Variants in TAFA1 observed in about 807,000 individuals in gnomAD.
TAFA1 encodes the protein chemokine-like protein TAFA-1.
Under a neutral mutation model 18.5 loss-of-function variants are expected in TAFA1, and 4 were observed. The ratio of observed to expected loss-of-function variants is 0.22; its 90% confidence interval spans 0.11 to 0.49. TAFA1 has a LOEUF of 0.49. TAFA1 is among the 20% of genes least tolerant of loss of function. The pLI is 0.98. For missense variants in TAFA1, 147 were observed against 169.0 expected, an observed-to-expected ratio of 0.87 and a Z score of 0.72; for synonymous variants, 56 against 55.2, an observed-to-expected ratio of 1.01 and a Z score of -0.06.
chr3:68,289,314 G>A (rs1215122085), intron 2 of TAFA1, among the ~76,000 whole-genome samples: 1 of 152,128 alleles, frequency 6.6e-6, no homozygotes, highest in Admixed American at 6.5e-5. Flanking sequence ...CCATTTTAAT[G>A]TGGTCCAACT....
chr3:68,101,763 T>C (rs1177958093), intron 2 of TAFA1, among the ~76,000 whole-genome samples: 1 of 152,094 alleles, frequency 6.6e-6, no homozygotes, highest in East Asian at 1.9e-4. Context: ...TTCAGGTATT[T>C]TAGAGTAGAG....
chr3:68,507,458 G>T (rs2072777056), intron 3 of TAFA1, among the ~76,000 whole-genome samples: 1 of 151,776 alleles, frequency 6.6e-6, no homozygotes, highest in African/African-American at 2.4e-5. Flanking sequence ...GTCAGATCAG[G>T]GCAAAAACAG....
At position 68,399,052 on chromosome 3, in the gene TAFA1, T is replaced by G. The variant is rs144057509; in HGVS notation, c.119-18228T>G. Among the ~76,000 whole-genome samples, 704 of 152,298 alleles carry G rather than the reference T, an allele frequency of 4.6e-3. 21 individuals carry two copies. The highest frequency in any genetic ancestry group is 0.041 in the Admixed American group (623 of 15,278). On this transcript the variant is annotated intron_variant, in intron 2 of 4. Coordinates refer to ENST00000478136, the MANE Select transcript of TAFA1 (RefSeq NM_213609.4). The stretch of plus-strand genomic sequence containing the variant: ...CAATATTTTTTGGCCATAAAAATGT[T>G]AAGTTCTAATTTACATAACTTTAGA...
the TAFA1 span, among the ~76,000 whole-genome samples, chr3:67,997,422 T>C: frequency 1.3e-5 from 2 of 152,160 alleles, no homozygotes; most frequent in Non-Finnish European, 2.9e-5. Context: ...GAGTTCATTA[T>C]CTCATTCCTG....
At chr3:68,113,719 G>A (rs932462718) in intron 2 of TAFA1, among the ~76,000 whole-genome samples, 1 of 151,924 alleles carries the variant, frequency 6.6e-6, no homozygotes, top group African/African-American at 2.4e-5. Flanking sequence ...AAAGTCAATA[G>A]AAAAGTGGTT....
At chr3:68,195,644 G>T (rs1019527146) in intron 2 of TAFA1, among the ~76,000 whole-genome samples, 1 of 151,568 alleles carries the variant, frequency 6.6e-6, no homozygotes. Flanking sequence ...ACCCATAGCA[G>T]AAAGTTATTC....
chr3:68,271,904 G>A (rs1363934674), intron 2 of TAFA1, among the ~76,000 whole-genome samples: 1 of 151,932 alleles, frequency 6.6e-6, no homozygotes, highest in African/African-American at 2.4e-5. Context: ...AAGCAGGGAT[G>A]TGACACCAGC....
intron 2 of TAFA1, among the ~76,000 whole-genome samples, chr3:68,224,218 TTATAAGA>T (rs1431746425): frequency 3.9e-5 from 6 of 152,094 alleles, no homozygotes; most frequent in Non-Finnish European, 8.8e-5. Flanking sequence ...TAAGACATCC[TTATAAGA>T]TAGAATAAGA....
intron 2 of TAFA1, among the ~76,000 whole-genome samples, chr3:68,078,552 G>T (rs899560062): frequency 5.9e-5 from 9 of 152,064 alleles, no homozygotes; most frequent in Admixed American, 5.2e-4. Flanking sequence ...GGCCTTTTCT[G>T]CATCTATTGA....
intron 2 of TAFA1, among the ~76,000 whole-genome samples, chr3:68,278,728 C>T (rs1417568751): frequency 1.3e-5 from 2 of 152,050 alleles, no homozygotes; most frequent in African/African-American, 4.8e-5. Context: ...TTCAGCATAC[C>T]TAAGAATCAC....
intron 2 of TAFA1, among the ~76,000 whole-genome samples, chr3:68,233,468 G>T (rs1465872949): frequency 6.6e-6 from 1 of 152,034 alleles, no homozygotes; most frequent in Admixed American, 6.6e-5. Context: ...TCTGGGTTTT[G>T]TATTCTATTT....
chr3:68,055,157 G>A (rs942823761), intron 2 of TAFA1, among the ~76,000 whole-genome samples: 5 of 152,066 alleles, frequency 3.3e-5, no homozygotes, highest in Admixed American at 6.6e-5. Context: ...GCCATAGTGC[G>A]TGATAGAAAC....
chr3:68,461,886 G>T (rs2071789163), intron 3 of TAFA1, among the ~76,000 whole-genome samples: 1 of 152,056 alleles, frequency 6.6e-6, no homozygotes, highest in South Asian at 2.1e-4. Context: ...TACCTTTGGA[G>T]AAAAGAAACA....
chr3:68,152,475 A>G (rs1351726432), intron 2 of TAFA1, among the ~76,000 whole-genome samples: 1 of 152,196 alleles, frequency 6.6e-6, no homozygotes, highest in Non-Finnish European at 1.5e-5. Context: ...TTGACAGTCC[A>G]AAGTCAAAGA....
At chr3:68,070,837 G>A (rs553302320) in intron 2 of TAFA1, among the ~76,000 whole-genome samples, 3 of 152,196 alleles carry the variant, frequency 2.0e-5, no homozygotes, top group African/African-American at 7.2e-5. Flanking sequence ...AATGTACCAA[G>A]TATCACCTTC....
At chr3:68,405,638 T>C (rs150416440) in intron 2 of TAFA1, among the ~76,000 whole-genome samples, 170 of 133,558 alleles carry the variant, frequency 1.3e-3, no homozygotes, top group Middle Eastern at 4.4e-3. Context: ...AGGCCAAGGC[T>C]GTAGTGAGCT....
intron 2 of TAFA1, among the ~76,000 whole-genome samples, chr3:68,131,120 G>A (rs1336727259): frequency 6.6e-6 from 1 of 152,200 alleles, no homozygotes; most frequent in Admixed American, 6.5e-5. Context: ...GAATTGGTGA[G>A]TTATGTTGTC....
chr3:68,535,862 A>T (rs561686843), intron 3 of TAFA1, among the ~76,000 whole-genome samples: 1 of 151,862 alleles, frequency 6.6e-6, no homozygotes, highest in East Asian at 1.9e-4. Flanking sequence ...TTTGTTAGGA[A>T]CTCTCATTGG....
intron 2 of TAFA1, among the ~76,000 whole-genome samples, chr3:68,298,352 G>A (rs2068248031): frequency 6.6e-6 from 1 of 152,170 alleles, no homozygotes; most frequent in South Asian, 2.1e-4. Context: ...CCATGGACAG[G>A]TGAATGTGTG....
Sources: allele counts gnomAD v4.1 joint callset (sites outside exome capture counted in the v4.1 genomes callset), GRCh38; gene constraint gnomAD v4.1.1; transcripts MANE v1.5; gene names NCBI Gene and HGNC (gene_info 2026-07-23, HGNC 2026-07-21).